Variants in DAB1 observed in about 807,000 individuals in gnomAD.
DAB1 encodes the protein DAB adaptor protein 1.
Under a neutral mutation model 64.6 loss-of-function variants are expected in DAB1, and 15 were observed. The ratio of observed to expected loss-of-function variants is 0.23; its 90% CI spans 0.16 to 0.36. The LOEUF is 0.36. Among genes scored for constraint, DAB1 ranks in the 10% least tolerant of loss-of-function variants. The pLI is 1.00. For synonymous variants in DAB1, 235 were observed against 251.9 expected (o/e 0.93, Z 0.64); for missense variants, 596 against 706.7 (o/e 0.84, Z 1.78).
At chr1:58,270,630 C>T (rs1193946626) in intron 4 of DAB1, among the ~76,000 whole-genome samples, 9 of 35,328 alleles carry the variant, frequency 2.5e-4, no homozygotes, top group East Asian at 8.7e-4. Flanking sequence ...GCCATTTTCA[C>T]GATATTGATT....
intron 6 of DAB1, among the ~76,000 whole-genome samples, chr1:57,793,916 T>G (rs760088361): frequency 6.6e-6 from 1 of 152,164 alleles, no homozygotes; most frequent in Non-Finnish European, 1.5e-5. Flanking sequence ...ACAGAGTGTT[T>G]GCCTAGTTGA....
intron 1 of DAB1, among the ~76,000 whole-genome samples, chr1:57,378,737 G>A (rs1216521038): frequency 6.6e-6 from 1 of 152,158 alleles, no homozygotes; most frequent in Non-Finnish European, 1.5e-5. Flanking sequence ...ATGCATTAGG[G>A]AGAAGAAGGA....
chr1:58,420,491 A>G (rs530755335), intron 3 of DAB1, among the ~76,000 whole-genome samples: 136 of 152,322 alleles, frequency 8.9e-4, no homozygotes, highest in Non-Finnish European at 1.6e-3. Flanking sequence ...GTATATGTAG[A>G]AACCACCTAA....
intron 4 of DAB1, among the ~76,000 whole-genome samples, chr1:58,326,691 C>G (rs1662832301): frequency 6.6e-6 from 1 of 152,206 alleles, no homozygotes; most frequent in Non-Finnish European, 1.5e-5. Flanking sequence ...GGTAATGTCA[C>G]TGTTCACAGC....
At chr1:57,879,472 A>G (rs906097577) in intron 1 of DAB1, among the ~76,000 whole-genome samples, 2 of 152,182 alleles carry the variant, frequency 1.3e-5, no homozygotes, top group African/African-American at 4.8e-5. Context: ...AGCACTACTC[A>G]TCCTAACAAA....
At chr1:57,555,694 T>C (rs1381759462) in intron 7 of DAB1, among the ~76,000 whole-genome samples, 2 of 152,194 alleles carry the variant, frequency 1.3e-5, no homozygotes, top group Admixed American at 1.3e-4. Flanking sequence ...GTGAGTGATT[T>C]GTCCAGGGTC....
intron 2 of DAB1, among the ~76,000 whole-genome samples, chr1:57,218,419 A>G (rs1666586703): frequency 6.7e-6 from 1 of 149,158 alleles, no homozygotes; most frequent in Non-Finnish European, 1.5e-5. Flanking sequence ...GGTGGCTCGC[A>G]TCTGCAATCC....
At chr1:57,719,021 G>C (rs1647118649) in intron 6 of DAB1, among the ~76,000 whole-genome samples, 1 of 151,438 alleles carries the variant, frequency 6.6e-6, no homozygotes, top group Admixed American at 6.6e-5. Flanking sequence ...TCTGCTTTCA[G>C]GCTGGAAATT....
chr1:57,789,330 G>C (rs7533341), intron 6 of DAB1, among the ~76,000 whole-genome samples: 96,298 of 151,972 alleles, frequency 0.63, 30,925 homozygotes, highest in African/African-American at 0.73. Context: ...GAGATGGTAG[G>C]AAACAGAGGG....
chr1:57,616,619 G>A (rs72908578), intron 7 of DAB1, among the ~76,000 whole-genome samples: 2,212 of 152,230 alleles, frequency 0.015, 56 homozygotes, highest in African/African-American at 0.051. Flanking sequence ...ATAATCTATG[G>A]TTTCCTACAG....
chr1:58,460,533 T>C (rs765027270), intron 3 of DAB1, among the ~76,000 whole-genome samples: 2 of 152,318 alleles, frequency 1.3e-5, no homozygotes, highest in African/African-American at 4.8e-5. Context: ...TCAGGTTGAA[T>C]AGTGAGAAGG....
At chr1:57,696,046 C>A (rs1202618659) in intron 6 of DAB1, among the ~76,000 whole-genome samples, 2 of 152,170 alleles carry the variant, frequency 1.3e-5, no homozygotes, top group East Asian at 1.9e-4. Context: ...TTGATGAGCA[C>A]AATTTTGGAC....
At chr1:57,663,804 T>A (rs1337453182) in intron 6 of DAB1, among the ~76,000 whole-genome samples, 5 of 152,144 alleles carry the variant, frequency 3.3e-5, no homozygotes. Context: ...ATGAACAATT[T>A]TAAAATGGCC....
intron 7 of DAB1, among the ~76,000 whole-genome samples, chr1:57,629,560 CA>C (rs1237774152): frequency 6.6e-6 from 1 of 152,118 alleles, no homozygotes; most frequent in East Asian, 1.9e-4. Flanking sequence ...ACACATCATT[CA>C]ACCACTTTGA....
At chr1:58,146,188 G>GT (rs888077115) in intron 5 of DAB1, among the ~76,000 whole-genome samples, 9 of 152,274 alleles carry the variant, frequency 5.9e-5, no homozygotes, top group South Asian at 4.1e-4. Flanking sequence ...TAGTAATCGT[G>GT]TTTTTGGGGA....
At chr1:57,176,253 C>A (rs1393239554) in intron 2 of DAB1, among the ~76,000 whole-genome samples, 1 of 152,096 alleles carries the variant, frequency 6.6e-6, no homozygotes, top group African/African-American at 2.4e-5. Flanking sequence ...CAAGACTGGG[C>A]AATTTACAAT....
chr1:57,933,677 C>G (rs905651793), intron 5 of DAB1, among the ~76,000 whole-genome samples: 7 of 152,066 alleles, frequency 4.6e-5, no homozygotes, highest in African/African-American at 1.7e-4. Flanking sequence ...ATAAACAGGT[C>G]TGCTATAAAT....
intron 1 of DAB1, among the ~76,000 whole-genome samples, chr1:57,381,362 C>A (rs902715991): frequency 6.6e-6 from 1 of 152,152 alleles, no homozygotes; most frequent in Non-Finnish European, 1.5e-5. Context: ...ATCTAGTCAA[C>A]AAGAGAGTGT....
At chr1:57,393,331 T>C (rs1682541901) in intron 1 of DAB1, among the ~76,000 whole-genome samples, 1 of 152,208 alleles carries the variant, frequency 6.6e-6, no homozygotes, top group Admixed American at 6.5e-5. Flanking sequence ...CACTTCAGCA[T>C]AGGGATCTGA....
Sources: gnomAD v4.1 joint callset for allele counts (sites outside exome capture counted in the v4.1 genomes callset) on GRCh38, gnomAD v4.1.1 for gene constraint, MANE v1.5 for transcripts, NCBI Gene and HGNC (gene_info 2026-07-23, HGNC 2026-07-21) for gene names.